Variants in STYK1 observed in about 807,000 individuals in gnomAD.
The protein encoded by STYK1 is tyrosine-protein kinase STYK1.
STYK1 carries 46 observed loss-of-function variants against 48.1 expected under a neutral mutation model. The ratio of observed to expected loss-of-function variants is 0.96; its 90% CI spans 0.75 to 1.22. STYK1 has a LOEUF of 1.22. STYK1 is among the 50% of genes most tolerant of loss of function. The pLI, the probability that STYK1 is intolerant of heterozygous loss-of-function variation, is 0.00. For missense variants in STYK1, 527 were observed against 521.1 expected, an observed-to-expected ratio of 1.01 and a Z score of -0.11; for synonymous variants, 188 against 189.0, an observed-to-expected ratio of 0.99 and a Z score of 0.04.
chr12:10,666,719 T>C (rs1947837245), intron 1 of STYK1, among the ~76,000 whole-genome samples: 1 of 152,194 alleles, frequency 6.6e-6, no homozygotes, highest in African/African-American at 2.4e-5. Context: ...CGAGATCTGA[T>C]GGTTTTATAA....
intron 3 of STYK1, 36 bp from the exon 4 acceptor site, chr12:10,634,160 A>AAGG (rs2120659409): frequency 6.3e-7 from 1 of 1,598,478 alleles, no homozygotes; most frequent in Non-Finnish European, 8.5e-7. Flanking sequence ...GAAGAGAATG[A>AAGG]AGAAGCCTAA....
At chr12:10,669,762 A>G (rs758582114) in intron 1 of STYK1, among the ~76,000 whole-genome samples, 1 of 152,336 alleles carries the variant, frequency 6.6e-6, no homozygotes, top group Non-Finnish European at 1.5e-5. Context: ...TCCAAAATAC[A>G]TAGGGAACTA....
At chr12:10,670,878 A>T (rs936000958) in intron 1 of STYK1, among the ~76,000 whole-genome samples, 12 of 149,878 alleles carry the variant, frequency 8.0e-5, no homozygotes, top group Admixed American at 2.7e-4. Flanking sequence ...ATAAATTTTA[A>T]ATATACATAT....
chr12:10,624,291 G>A (rs538729088), intron 8 of STYK1, among the ~76,000 whole-genome samples: 3 of 151,908 alleles, frequency 2.0e-5, no homozygotes, highest in African/African-American at 4.8e-5. Context: ...AAGCAGGGTG[G>A]TGCATGCCTG....
intron 1 of STYK1, among the ~76,000 whole-genome samples, chr12:10,666,217 T>C (rs1342385847): frequency 6.6e-6 from 1 of 152,098 alleles, no homozygotes. Flanking sequence ...TTTGGAGAAG[T>C]TGATTTTAAG....
chr12:10,635,839 A>T lies in STYK1; in HGVS notation c.-68-1153T>A, dbSNP rs549235684. Among the ~76,000 whole-genome samples the T allele has an allele frequency of 2.0e-4, 30 of 152,312 alleles. No individual in the cohort carries two copies. The East Asian group carries it at 5.4e-3, about 27-fold the overall frequency. ...GGTTCTTTCTTTCCAAAGAGAACTC[A>T]TGTTTACCACTGTCCCATACCTCTC... On this transcript the variant is annotated intron_variant, in intron 2 of 10. Transcript: ENST00000075503.
chr12:10,626,121 T>C (rs1010844550), intron 7 of STYK1, among the ~76,000 whole-genome samples: 1 of 152,218 alleles, frequency 6.6e-6, no homozygotes, highest in African/African-American at 2.4e-5. Flanking sequence ...AGCAGTTTTC[T>C]GTGCCTGGTG....
intron 1 of STYK1, among the ~76,000 whole-genome samples, chr12:10,638,042 T>G (rs2120678678): frequency 6.6e-6 from 1 of 152,348 alleles, no homozygotes; most frequent in Non-Finnish European, 1.5e-5. Flanking sequence ...GGCTACTGCT[T>G]CTTCTCTTAG....
At chr12:10,668,370 C>T (rs1390450322) in intron 1 of STYK1, among the ~76,000 whole-genome samples, 2 of 150,542 alleles carry the variant, frequency 1.3e-5, no homozygotes, top group Non-Finnish European at 2.9e-5. Flanking sequence ...GTTTTTTCTT[C>T]TACTTCTTCT....
chr12:10,623,817 T>TTATTTACACTAAAAGATAC (rs1947326311), intron 8 of STYK1, among the ~76,000 whole-genome samples: 1 of 152,166 alleles, frequency 6.6e-6, no homozygotes, highest in Non-Finnish European at 1.5e-5. Context: ...TAAATCATTT[T>TTATTTACACTAAAAGATAC]TATTTACACT....
chr12:10,663,645 G>C (rs913337196), intron 1 of STYK1, among the ~76,000 whole-genome samples: 50 of 129,520 alleles, frequency 3.9e-4, no homozygotes, highest in Non-Finnish European at 7.7e-4. Flanking sequence ...AAATCATTAA[G>C]TGTGATTCCT....
chr12:10,640,584 G>A (rs1380264899), intron 1 of STYK1: 1 of 152,092 alleles, frequency 6.6e-6, no homozygotes, highest in Admixed American at 6.5e-5. Flanking sequence ...GTTTCAAATG[G>A]GTTCTCAAAG....
intron 1 of STYK1, among the ~76,000 whole-genome samples, chr12:10,639,204 A>G (rs1299760200): frequency 6.6e-6 from 1 of 152,226 alleles, no homozygotes; most frequent in African/African-American, 2.4e-5. Flanking sequence ...TTAATTTGGA[A>G]GTGAGATAGA....
At chr12:10,669,488 G>T (rs2120829200) in intron 1 of STYK1, among the ~76,000 whole-genome samples, 1 of 152,166 alleles carries the variant, frequency 6.6e-6, no homozygotes, top group Admixed American at 6.5e-5. Context: ...AACTCAAAAT[G>T]GATTAAAGAC....
intron 1 of STYK1, among the ~76,000 whole-genome samples, chr12:10,668,945 G>T (rs75266399): frequency 6.6e-6 from 1 of 152,116 alleles, no homozygotes; most frequent in Non-Finnish European, 1.5e-5. Context: ...AATTCAGAAA[G>T]CATGTTGGAG....
intron 1 of STYK1, among the ~76,000 whole-genome samples, chr12:10,659,424 A>C (rs1947752379): frequency 1.3e-5 from 2 of 152,202 alleles, no homozygotes; most frequent in Non-Finnish European, 2.9e-5. Flanking sequence ...TTTTATTACC[A>C]AGTCTTTGAC....
At chr12:10,655,371 G>A (rs573248952) in intron 1 of STYK1, among the ~76,000 whole-genome samples, 15 of 152,302 alleles carry the variant, frequency 9.8e-5, no homozygotes, top group African/African-American at 3.6e-4. Flanking sequence ...AAATTGTTTT[G>A]AGCAGTTAAA....
chr12:10,649,590 T>G (rs1947637412), intron 1 of STYK1, among the ~76,000 whole-genome samples: 1 of 152,194 alleles, frequency 6.6e-6, no homozygotes, highest in African/African-American at 2.4e-5. Context: ...ATGGTTACTA[T>G]TAATAATTTT....
Position 10,619,872 on chromosome 12 carries a change from G to C in STYK1, c.*272C>G, listed in dbSNP as rs1485067952. 9 of 540,264 alleles carry C rather than the reference G, an allele frequency of 1.7e-5. No homozygotes were observed. The highest frequency in any genetic ancestry group is 2.6e-5 in the Non-Finnish European group (8 of 306,414). The allele number at this position is 540,264 out of a possible 1,614,324, so 33.5% of individuals were successfully genotyped here. ...GCCATGCCCCAACAAATACTGCAGA[G>C]TTCTAAAACCTCCTTTGCACAGGTC... is the stretch of plus-strand genomic sequence containing the variant. On this transcript the variant is annotated 3_prime_UTR_variant, in exon 11 of 11. Coordinates refer to ENST00000075503, the MANE Select transcript of STYK1 (RefSeq NM_018423.3).
Sources: gnomAD v4.1 joint callset for allele counts (sites outside exome capture counted in the v4.1 genomes callset) on GRCh38, gnomAD v4.1.1 for gene constraint, MANE v1.5 for transcripts, NCBI Gene and HGNC (gene_info 2026-07-23, HGNC 2026-07-21) for gene names.